Variants in C5 observed in about 807,000 individuals in gnomAD.
C5 encodes C3 and PZP-like alpha-2-macroglobulin domain-containing protein 4.
C5 carries 140 observed loss-of-function variants against 218.8 expected under a neutral mutation model. The observed-to-expected ratio is 0.64, with a 90% CI of 0.56 to 0.74. The LOEUF (loss-of-function observed/expected upper bound fraction) is 0.74, where lower values mean the gene tolerates loss of function less well. C5 is among the 30% of genes least tolerant of loss of function. The pLI is 0.00. For missense variants in C5, 1,700 were observed against 1,969.6 expected, an observed-to-expected ratio of 0.86 and a Z score of 2.59; for synonymous variants, 614 against 682.3, an observed-to-expected ratio of 0.90 and a Z score of 1.56.
intron 38 of C5, among the ~76,000 whole-genome samples, chr9:120,958,564 T>C (rs1235827419): frequency 6.7e-6 from 1 of 150,098 alleles, no homozygotes; most frequent in Non-Finnish European, 1.5e-5. Flanking sequence ...GGCAGCTTTT[T>C]AGCTTTTTTT....
At chr9:121,012,117 T>C (rs1266272670) in intron 17 of C5, among the ~76,000 whole-genome samples, 2 of 152,054 alleles carry the variant, frequency 1.3e-5, no homozygotes, top group East Asian at 1.9e-4. Context: ...AAGAGTATAA[T>C]TGGATTGTTT....
At chr9:121,049,643 CT>C (rs2047656688) in intron 1 of C5, among the ~76,000 whole-genome samples, 1 of 152,060 alleles carries the variant, frequency 6.6e-6, no homozygotes, top group African/African-American at 2.4e-5. Context: ...TCTGCAGTTA[CT>C]TTTCAGTATT....
intron 5 of C5, among the ~76,000 whole-genome samples, chr9:121,033,551 T>A (rs1259981516): frequency 1.3e-5 from 2 of 152,256 alleles, no homozygotes; most frequent in Non-Finnish European, 2.9e-5. Flanking sequence ...AGACCATGGC[T>A]AGCACATAAT....
chr9:121,030,288 C>T, intron 7 of C5, 109 bp downstream of exon 7: 2 of 629,014 alleles, frequency 3.2e-6, no homozygotes, highest in Non-Finnish European at 5.6e-6. Flanking sequence ...CAAATCATGG[C>T]ACACTTTGAT....
At chr9:121,042,913 T>A (rs149698024) in intron 3 of C5, 91 bp downstream of exon 3, 194 of 1,011,284 alleles carry the variant, frequency 1.9e-4, no homozygotes, top group Non-Finnish European at 2.5e-4. Context: ...GAAACCGATC[T>A]CCACTCAATT....
At chr9:121,042,464 G>C (rs557770688) in intron 3 of C5, among the ~76,000 whole-genome samples, 2 of 152,084 alleles carry the variant, frequency 1.3e-5, no homozygotes, top group Non-Finnish European at 2.9e-5. Context: ...TGATCCCCTA[G>C]GTTAGATTTA....
chr9:120,974,402 T>C (rs922449073), intron 30 of C5, among the ~76,000 whole-genome samples: 5 of 152,230 alleles, frequency 3.3e-5, no homozygotes, highest in African/African-American at 1.2e-4. Context: ...ATGTCTGGAA[T>C]GTTCTTCCTT....
At chr9:121,026,226 T>C (rs2047422174) in intron 8 of C5, among the ~76,000 whole-genome samples, 1 of 152,084 alleles carries the variant, frequency 6.6e-6, no homozygotes, top group Non-Finnish European at 1.5e-5. Context: ...ACCAAATGAA[T>C]ACGAAAAAGT....
intron 7 of C5, among the ~76,000 whole-genome samples, chr9:121,028,227 C>T (rs551316296): frequency 3.3e-5 from 5 of 152,296 alleles, no homozygotes; most frequent in East Asian, 3.9e-4. Context: ...GAAATAGGAA[C>T]GCTTTTACAC....
At position 121,008,390 on chromosome 9, in the gene C5, A is replaced by G; in HGVS notation, c.2348+18T>C. On this transcript the variant is annotated intron_variant, in intron 18 of 40. Coordinates refer to ENST00000223642, the MANE Select transcript of C5 (RefSeq NM_001735.3). ...TTATCCACATTTCTTTCAAGGAAAC[A>G]TGAAAGAAGTATAATACCTTCTGGG... is the stretch of plus-strand genomic sequence containing the variant. The G allele has an allele frequency of 1.3e-6, 2 of 1,565,174 alleles. No individual in the cohort carries two copies. Among genetic ancestry groups the G allele is most frequent in the Non-Finnish European group, 1.8e-6 (2 of 1,135,548 alleles).
chr9:121,063,282 T>G, the C5 span, among the ~76,000 whole-genome samples: 6 of 152,104 alleles, frequency 3.9e-5, no homozygotes, highest in South Asian at 2.1e-4. Flanking sequence ...TGATTCTTTT[T>G]TTCTCCCTGC....
intron 26 of C5, among the ~76,000 whole-genome samples, chr9:120,982,156 C>T (rs895979545): frequency 2.6e-5 from 4 of 152,202 alleles, no homozygotes; most frequent in East Asian, 1.9e-4. Flanking sequence ...GTACTACAGG[C>T]GTGCACTACC....
intron 21 of C5, 81 bp from the exon 22 acceptor site, chr9:120,996,381 CT>C: frequency 1.7e-6 from 2 of 1,194,312 alleles, no homozygotes; most frequent in Non-Finnish European, 2.5e-6. Flanking sequence ...TTCTGGACCA[CT>C]TTTCAAACTA....
In C5 at chr9:121,020,191, A is replaced by G. The variant is rs1239062632; in HGVS notation, c.1303-12T>C. ...GCATCAGTTTTGACCTGAAAAGAGAAATTTCAAAAAGACATGTATACTGTG... is the reference window on the plus strand; with the variant it reads ...GCATCAGTTTTGACCTGAAAAGAGAGATTTCAAAAAGACATGTATACTGTG... On this transcript the variant is annotated splice_polypyrimidine_tract_variant and intron_variant, in intron 11 of 40. Transcript: ENST00000223642. The G allele has an allele frequency of 6.3e-7, 1 of 1,597,714 alleles. No homozygotes were observed. Among genetic ancestry groups the G allele is most frequent in the Non-Finnish European group, 8.6e-7 (1 of 1,165,290 alleles).
chr9:121,031,433 G>T (rs1189285284), intron 6 of C5, among the ~76,000 whole-genome samples: 1 of 152,148 alleles, frequency 6.6e-6, no homozygotes, highest in South Asian at 2.1e-4. Flanking sequence ...ATCATTTATT[G>T]GTTTTACTGG....
At chr9:121,003,532 G>T (rs888211800) in intron 20 of C5, among the ~76,000 whole-genome samples, 2 of 152,152 alleles carry the variant, frequency 1.3e-5, no homozygotes, top group East Asian at 3.9e-4. Context: ...GCATTTCTAT[G>T]ACAAAGAGTA....
At position 120,952,750 on chromosome 9, in the gene C5, T is replaced by A. The variant is rs2131656713; in HGVS notation, c.5020A>T (p.Asn1674Tyr). Residue 1674 changes from asparagine to tyrosine, a missense_variant, in exon 41 of 41, where the codon AAT becomes TAT. Coordinates refer to ENST00000223642, the MANE Select transcript of C5 (RefSeq NM_001735.3). ...GAACTTCAGGAATTTTAGCATCCAT[T>A]TAAAAAGATATCTTCGGCAAATTCA... is the stretch of plus-strand genomic sequence containing the variant. ...LDEFAEDIFL[N>Y]GC is the part of the protein sequence containing the mutation. 6.2e-7 allele frequency: 1 copy of A among 1,613,164 alleles called. No individual in the cohort carries two copies. Among genetic ancestry groups the A allele is most frequent in the East Asian group, 2.2e-5 (1 of 44,842 alleles).
At chr9:120,953,013 T>C in intron 40 of C5, 145 bp from the exon 41 acceptor site, 1 of 787,474 alleles carries the variant, frequency 1.3e-6, no homozygotes, top group Non-Finnish European at 2.0e-6. Context: ...AAGCTCTGCC[T>C]CTCGGGTTCA....
chr9:120,998,634 A>G (rs1295861298), intron 20 of C5, among the ~76,000 whole-genome samples: 3 of 152,196 alleles, frequency 2.0e-5, no homozygotes, highest in Non-Finnish European at 4.4e-5. Context: ...CTGGCTCCAG[A>G]AAGACCTGGA....
Sources: gnomAD v4.1 joint callset for allele counts (sites outside exome capture counted in the v4.1 genomes callset) on GRCh38, gnomAD v4.1.1 for gene constraint, MANE v1.5 for transcripts, NCBI Gene and HGNC (gene_info 2026-07-23, HGNC 2026-07-21) for gene names.